Variants in SLC9A9 observed in about 807,000 individuals in gnomAD.
The protein encoded by SLC9A9 is sodium/hydrogen exchanger 9.
A neutral mutation model predicts 77.8 loss-of-function variants in SLC9A9; 62 were observed. The ratio of observed to expected loss-of-function variants is 0.80; its 90% CI spans 0.65 to 0.98. SLC9A9 has a LOEUF of 0.98. SLC9A9 is among the 50% of genes least tolerant of loss of function. The pLI, the probability that SLC9A9 is intolerant of heterozygous loss-of-function variation, is 0.00. For missense variants in SLC9A9, 775 were observed against 774.9 expected (o/e 1.00, Z 0.00); for synonymous variants, 320 against 283.5 (o/e 1.13, Z -1.29).
chr3:143,702,271 A>G (rs1262134461), intron 4 of SLC9A9, among the ~76,000 whole-genome samples: 3 of 152,222 alleles, frequency 2.0e-5, no homozygotes, highest in Non-Finnish European at 2.9e-5. Context: ...ACAGACTATT[A>G]TAACACTGTG....
At chr3:143,377,144 T>C (rs2108494994) in intron 13 of SLC9A9, among the ~76,000 whole-genome samples, 1 of 152,342 alleles carries the variant, frequency 6.6e-6, no homozygotes, top group Non-Finnish European at 1.5e-5. Flanking sequence ...ATCTGCTAAA[T>C]TAATCTCTTC....
At chr3:143,604,334 T>A (rs1319873870) in intron 6 of SLC9A9, among the ~76,000 whole-genome samples, 1 of 152,200 alleles carries the variant, frequency 6.6e-6, no homozygotes, top group Non-Finnish European at 1.5e-5. Context: ...TGGAAACACA[T>A]AGATGAATAA....
chr3:143,450,850 C>G (rs1162487868), intron 12 of SLC9A9, among the ~76,000 whole-genome samples: 1 of 152,136 alleles, frequency 6.6e-6, no homozygotes, highest in East Asian at 1.9e-4. Context: ...GCTGTGATGG[C>G]CATCACATGG....
intron 4 of SLC9A9, among the ~76,000 whole-genome samples, chr3:143,726,081 A>G (rs997844062): frequency 6.6e-6 from 1 of 151,978 alleles, no homozygotes; most frequent in Admixed American, 6.6e-5. Context: ...ACAATGTTGA[A>G]AATAATTTTA....
intron 6 of SLC9A9, among the ~76,000 whole-genome samples, chr3:143,602,035 T>C (rs1209218844): frequency 6.6e-6 from 1 of 152,166 alleles, no homozygotes; most frequent in Non-Finnish European, 1.5e-5. Context: ...AGTATTCCCA[T>C]GTCCTTTTTT....
At chr3:143,376,823 T>C (rs2033189700) in intron 13 of SLC9A9, among the ~76,000 whole-genome samples, 1 of 152,192 alleles carries the variant, frequency 6.6e-6, no homozygotes, top group South Asian at 2.1e-4. Flanking sequence ...TTTCTCAAAA[T>C]ACCATTAGTT....
intron 14 of SLC9A9, among the ~76,000 whole-genome samples, chr3:143,295,929 G>C (rs74820060): frequency 7.3e-6 from 1 of 136,764 alleles, no homozygotes; most frequent in Non-Finnish European, 1.6e-5. Flanking sequence ...AGAAATGAGG[G>C]CCCCCATACT....
chr3:143,284,413 T>C (rs1284254851), intron 14 of SLC9A9, among the ~76,000 whole-genome samples: 1 of 151,828 alleles, frequency 6.6e-6, no homozygotes, highest in Non-Finnish European at 1.5e-5. Context: ...TATTTTTTTT[T>C]TTTTTTGAAA....
intron 3 of SLC9A9, among the ~76,000 whole-genome samples, chr3:143,795,341 C>G (rs2008355117): frequency 1.3e-5 from 2 of 150,050 alleles, no homozygotes; most frequent in African/African-American, 4.9e-5. Context: ...AGAGACAACT[C>G]CAAGAACTGG....
At chr3:143,396,150 G>A (rs1362919470) in intron 12 of SLC9A9, among the ~76,000 whole-genome samples, 2 of 152,104 alleles carry the variant, frequency 1.3e-5, no homozygotes, top group African/African-American at 2.4e-5. Flanking sequence ...ACATGCACAC[G>A]TATGTTTATT....
chr3:143,472,049 T>C (rs113704867), intron 11 of SLC9A9, among the ~76,000 whole-genome samples: 2,017 of 152,296 alleles, frequency 0.013, 44 homozygotes, highest in African/African-American at 0.045. Context: ...AGGTCAGACA[T>C]AACTAAACTT....
At chr3:143,282,955 T>C (rs1325079123) in intron 14 of SLC9A9, among the ~76,000 whole-genome samples, 1 of 152,218 alleles carries the variant, frequency 6.6e-6, no homozygotes, top group Admixed American at 6.5e-5. Context: ...AACACAGGAA[T>C]TTCTTCACTG....
At chr3:143,769,812 A>G (rs1358891331) in intron 4 of SLC9A9, among the ~76,000 whole-genome samples, 2 of 152,198 alleles carry the variant, frequency 1.3e-5, no homozygotes, top group Non-Finnish European at 2.9e-5. Context: ...GTGTGACTCA[A>G]GGATGGATGA....
chr3:143,541,571 A>G (rs2036690346), intron 9 of SLC9A9, among the ~76,000 whole-genome samples: 1 of 152,230 alleles, frequency 6.6e-6, no homozygotes, highest in African/African-American at 2.4e-5. Context: ...TATAACAAAT[A>G]TACCAAATGT....
At chr3:143,419,388 A>G (rs2108526199) in intron 12 of SLC9A9, among the ~76,000 whole-genome samples, 1 of 152,310 alleles carries the variant, frequency 6.6e-6, no homozygotes, top group Middle Eastern at 3.4e-3. Flanking sequence ...TTGCCCTAAA[A>G]TTCATGCTCA....
intron 2 of SLC9A9, among the ~76,000 whole-genome samples, chr3:143,809,930 A>C (rs1359194633): frequency 6.6e-6 from 1 of 152,250 alleles, no homozygotes; most frequent in Non-Finnish European, 1.5e-5. Context: ...AGAATTTAAA[A>C]TTTATACTAT....
At chr3:143,811,404 C>T (rs1304780226) in intron 2 of SLC9A9, among the ~76,000 whole-genome samples, 1 of 152,148 alleles carries the variant, frequency 6.6e-6, no homozygotes. Context: ...GTTAGATGAC[C>T]TTGGTCTATT....
chr3:143,422,355 C>T (rs1161684510), intron 12 of SLC9A9, among the ~76,000 whole-genome samples: 2 of 152,146 alleles, frequency 1.3e-5, no homozygotes, highest in African/African-American at 4.8e-5. Context: ...ACCCAGGTGC[C>T]CATCAACGGT....
chr3:143,635,279 C>T lies in SLC9A9; in HGVS notation c.755+16976G>A, dbSNP rs192225249. 9.1e-4 allele frequency among the ~76,000 whole-genome samples: 139 copies of T among 152,276 alleles called. 1 individual carries two copies. Among genetic ancestry groups the T allele is most frequent in the Admixed American group, 4.3e-3 (66 of 15,300 alleles). On this transcript the variant is annotated intron_variant, in intron 6 of 15. Coordinates refer to ENST00000316549, the MANE Select transcript of SLC9A9 (RefSeq NM_173653.4). Reference sequence around the variant, plus strand: ...TGGCTGGGTTCCAAGAGTAAGTTCTCTAAGCGAGAGGAGGTGGAAGCTGCT... The same window carrying T: ...TGGCTGGGTTCCAAGAGTAAGTTCTTTAAGCGAGAGGAGGTGGAAGCTGCT...
Sources: gnomAD v4.1 joint callset for allele counts (sites outside exome capture counted in the v4.1 genomes callset) on GRCh38, gnomAD v4.1.1 for gene constraint, MANE v1.5 for transcripts, NCBI Gene and HGNC (gene_info 2026-07-23, HGNC 2026-07-21) for gene names.